The following ZBTB45 variants were observed in gnomAD, a reference collection of about 807,000 sequenced individuals.
ZBTB45 encodes the protein zinc finger and BTB domain containing 45, also known as zinc finger and BTB domain-containing protein 45.
ZBTB45 carries 22 observed loss-of-function variants against 28.4 expected under a neutral mutation model. The ratio of observed to expected loss-of-function variants is 0.77; its 90% CI spans 0.55 to 1.10. The LOEUF (loss-of-function observed/expected upper bound fraction) is 1.10. ZBTB45 is among the 50% of genes least tolerant of loss of function. The pLI is 0.00. For synonymous variants in ZBTB45, 361 were observed against 332.3 expected, an observed-to-expected ratio of 1.09 and a Z score of -0.94; for missense variants, 656 against 750.2, an observed-to-expected ratio of 0.87 and a Z score of 1.47.
Position 58,517,180 on chromosome 19 carries a change from G to A in ZBTB45, c.494C>T (p.Pro165Leu), listed in dbSNP as rs372565642. The A allele has an allele frequency of 2.0e-5, 32 of 1,607,944 alleles. No individual in the cohort carries two copies. Among genetic ancestry groups the A allele is most frequent in the Non-Finnish European group, 2.5e-5 (29 of 1,177,364 alleles). ...HLLAARPPGH[P>L]GAAHSRKQRQ... ...CTGCTTACGGCTGTGTGCAGCACCGGGGTGCCCCGGGGGACGTGCAGCCAG... is the reference window on the plus strand; with the variant it reads ...CTGCTTACGGCTGTGTGCAGCACCGAGGTGCCCCGGGGGACGTGCAGCCAG... The change falls in exon 2 of 3, where the codon CCC becomes CTC. Residue 165 changes from proline (P) to leucine (L), a missense_variant. Pro to Leu is a moderately conservative substitution (Grantham distance 98). Coordinates refer to ENST00000594051, the MANE Select transcript of ZBTB45 (RefSeq NM_001316979.2).
chr19:58,532,548 T>C (rs1460049743), intron 1 of ZBTB45, among the ~76,000 whole-genome samples: 1 of 152,126 alleles, frequency 6.6e-6, no homozygotes, highest in Non-Finnish European at 1.5e-5. Context: ...CACATATTTG[T>C]CTTTTCTTTT....
upstream of ZBTB45, among the ~76,000 whole-genome samples, chr19:58,524,473 G>GTGTA (rs1902571047): frequency 6.7e-6 from 1 of 148,672 alleles, no homozygotes; most frequent in Non-Finnish European, 1.5e-5. Context: ...GTGTGTGTGT[G>GTGTA]TATGAACCCA....
upstream of ZBTB45, among the ~76,000 whole-genome samples, chr19:58,522,948 G>A (rs2053586308): frequency 6.6e-6 from 1 of 152,146 alleles, no homozygotes; most frequent in Non-Finnish European, 1.5e-5. Flanking sequence ...GCACCTAGTG[G>A]GGTGGCAAAC....
At chr19:58,530,671 T>A (rs1462598816) in intron 1 of ZBTB45, among the ~76,000 whole-genome samples, 1 of 151,400 alleles carries the variant, frequency 6.6e-6, no homozygotes, top group Non-Finnish European at 1.5e-5. Flanking sequence ...TTTGAACATC[T>A]GTTTTCTTTC....
chr19:58,517,301 C>A lies in ZBTB45; in HGVS notation c.373G>T (p.Ala125Ser), dbSNP rs777616206. 2 of 1,603,576 alleles carry A rather than the reference C, an allele frequency of 1.2e-6. No individual in the cohort carries two copies. The highest frequency in any genetic ancestry group is 1.3e-5 in the African/African-American group (1 of 74,852). Residue 125 changes from alanine (A) to serine (S), a missense_variant, in exon 2 of 3, where the codon GCT becomes TCT. Physicochemically the swap from Ala to Ser is moderately conservative, Grantham distance 99 (BLOSUM62 1). This residue lies in a region of ZBTB45 where 448 missense variants were observed against 444.3 expected (regional missense o/e 1.01). Coordinates refer to ENST00000594051, the MANE Select transcript of ZBTB45 (RefSeq NM_001316979.2). ...GGCGCAGAGGTGCCCGGGGCTCGAG[C>A]GCGGGCGATAATCTGCGTGCATTCG... ...IDECTQIIAR[A>S]RAPGTSAPTP...
At chr19:58,525,994 G>A (rs891277259) in intron 1 of ZBTB45, among the ~76,000 whole-genome samples, 6 of 152,116 alleles carry the variant, frequency 3.9e-5, no homozygotes, top group Non-Finnish European at 4.4e-5. Context: ...TTGGGAGGCC[G>A]AGGCAGGCAG....
intron 1 of ZBTB45, among the ~76,000 whole-genome samples, chr19:58,534,885 C>T (rs571024614): frequency 1.1e-4 from 16 of 140,238 alleles, no homozygotes; most frequent in African/African-American, 2.7e-4. Flanking sequence ...GTTGGAGTCT[C>T]GCTCTGTCGC....
intron 1 of ZBTB45, among the ~76,000 whole-genome samples, chr19:58,537,919 C>T (rs1307221868): frequency 6.6e-6 from 1 of 151,538 alleles, no homozygotes; most frequent in African/African-American, 2.4e-5. Flanking sequence ...CTCACTGCAA[C>T]TTCTGCCTCC....
chr19:58,516,503 T>A lies in ZBTB45; in HGVS notation c.1171A>T (p.Thr391Ser), dbSNP rs753229030. The change falls in exon 2 of 3, where the codon ACC becomes TCC. Residue 391 changes from threonine (T) to serine (S), a missense_variant. By Grantham distance (58) the Thr-to-Ser change is moderately conservative (BLOSUM62 1). Transcript: ENST00000594051. The surrounding 1 kb of genome is among the most constrained non-coding windows in gnomAD (Gnocchi z 6.2). ...SAAPTTAPSG[T>S]PARTPGAEPP... Reference sequence around the variant, plus strand: ...TCAGCACCTGGGGTGCGAGCAGGGGTGCCTGAGGGGGCCGTGGTGGGAGCA... The same window carrying A: ...TCAGCACCTGGGGTGCGAGCAGGGGAGCCTGAGGGGGCCGTGGTGGGAGCA... 1.9e-6 allele frequency: 3 copies of A among 1,613,378 alleles called. No individual in the cohort carries two copies. The highest frequency in any genetic ancestry group is 1.7e-6 in the Non-Finnish European group (2 of 1,179,714).
upstream of ZBTB45, among the ~76,000 whole-genome samples, chr19:58,522,261 A>G (rs1013213482): frequency 4.6e-5 from 7 of 151,526 alleles, no homozygotes; most frequent in Non-Finnish European, 1.0e-4. Context: ...TCACAGGTTC[A>G]AGCGATTCTC....
In ZBTB45 at chr19:58,513,837, A is replaced by G; in HGVS notation, c.*217T>C. 1.9e-6 allele frequency: 1 copy of G among 538,704 alleles called. No homozygotes were observed. Among genetic ancestry groups the G allele is most frequent in the Non-Finnish European group, 2.9e-6 (1 of 342,440 alleles). 33.4% of individuals were successfully genotyped at this position (538,704 alleles called of 1,614,324 possible). A position where few individuals can be genotyped will look rare whatever the true frequency, so the allele number is the denominator to read the frequency against. On this transcript the variant is annotated 3_prime_UTR_variant, in exon 3 of 3. Transcript: ENST00000594051. ...TCTCAGAAGTGGTCTAACCAGCCCC[A>G]GCCCCAGCCCGGCACCACCTGGAGG...
rs138705815 is a variant in ZBTB45 at position 58,516,744 on chromosome 19, G to A, written c.930C>T (p.Pro310=). ...EGCPTETPVQ[P]DCILSGSRPP... The stretch of plus-strand genomic sequence containing the variant: ...GGCGGGATCCAGACAGTATGCAGTC[G>A]GGCTGGACAGGGGTCTCAGTGGGAC... The change falls in exon 2 of 3, where the codon CCC becomes CCT. Residue 310 remains proline (P), a synonymous_variant. Transcript: ENST00000594051. The surrounding 1 kb of genome is among the most constrained non-coding windows in gnomAD (Gnocchi z 6.2). 639 of 1,611,984 alleles carry A rather than the reference G, an allele frequency of 4.0e-4. 1 individual carries two copies. The highest frequency in any genetic ancestry group is 1.6e-3 in the African/African-American group (120 of 75,024).
At chr19:58,525,451 C>T (rs973943496) in intron 1 of ZBTB45, among the ~76,000 whole-genome samples, 3 of 152,190 alleles carry the variant, frequency 2.0e-5, no homozygotes, top group Non-Finnish European at 4.4e-5. Flanking sequence ...GCAGTGAAGA[C>T]TTGAGCCCTT....
At chr19:58,514,369 CCCCA>C (rs1568638979) in intron 2 of ZBTB45, 59 bp from the exon 3 acceptor site, 23 of 1,327,842 alleles carry the variant, frequency 1.7e-5, no homozygotes, top group African/African-American at 3.3e-5. Context: ...CCCGCCCCCA[CCCCA>C]CCCCACCCCC....
intron 1 of ZBTB45, among the ~76,000 whole-genome samples, chr19:58,532,946 C>T (rs1395513793): frequency 6.6e-6 from 1 of 152,144 alleles, no homozygotes; most frequent in Admixed American, 6.5e-5. Context: ...AGTGATTCTC[C>T]TGCCCCAGCC....
chr19:58,525,056 T>C (rs1395469346), intron 1 of ZBTB45, among the ~76,000 whole-genome samples: 3 of 152,176 alleles, frequency 2.0e-5, no homozygotes, highest in Non-Finnish European at 4.4e-5. Context: ...AGGGCCCCTC[T>C]GACAGCATGG....
chr19:58,537,114 C>T (rs1241436653), intron 1 of ZBTB45, among the ~76,000 whole-genome samples: 1 of 152,088 alleles, frequency 6.6e-6, no homozygotes, highest in Non-Finnish European at 1.5e-5. Flanking sequence ...CCCACCCTGG[C>T]TTGGCCAATC....
chr19:58,514,042 G>T lies in ZBTB45; in HGVS notation c.*12C>A. 4 of 1,416,514 alleles carry T rather than the reference G, an allele frequency of 2.8e-6. No homozygotes were observed. The highest frequency in any genetic ancestry group is 3.7e-6 in the Non-Finnish European group (4 of 1,092,058). 87.7% of individuals were successfully genotyped at this position (1,416,514 alleles called of 1,614,324 possible). A position where few individuals can be genotyped will look rare whatever the true frequency, so the allele number is the denominator to read the frequency against. On this transcript the variant is annotated 3_prime_UTR_variant, in exon 3 of 3. Coordinates refer to ENST00000594051, the MANE Select transcript of ZBTB45 (RefSeq NM_001316979.2). ...CCGGATCCACCGTGGGCGAGGCCAG[G>T]CCCCAGCGCCATCAGGGCGCAGGGT...
chr19:58,513,965 G>C lies in ZBTB45; in HGVS notation c.*89C>G, dbSNP rs974801384. 4 of 1,335,430 alleles carry C rather than the reference G, an allele frequency of 3.0e-6. No individual in the cohort carries two copies. The African/African-American group carries it at 4.7e-5, about 16-fold the overall frequency. 82.7% of individuals were successfully genotyped at this position (1,335,430 alleles called of 1,614,324 possible). ...TGCGCTCAGGAGGGAGCGTGGTCTA[G>C]TGGCGGGAACCACGGGTCCCGCAGC... On this transcript the variant is annotated 3_prime_UTR_variant, in exon 3 of 3. Transcript: ENST00000594051.
Sources: gnomAD v4.1 joint callset for allele counts (sites outside exome capture counted in the v4.1 genomes callset) on GRCh38, gnomAD v4.1.1 for gene constraint, gnomAD v4.1.1 regional missense constraint, Gnocchi (gnomAD v3.1) non-coding constraint, MANE v1.5 for transcripts, NCBI Gene and HGNC (gene_info 2026-07-23, HGNC 2026-07-21) for gene names.